ADAM17: variants seen among roughly 807,000 people sequenced by gnomAD.
ADAM17 encodes the protein disintegrin and metalloproteinase domain-containing protein 17.
A neutral mutation model predicts 96.7 loss-of-function variants in ADAM17; 39 were observed. That is an observed-to-expected ratio of 0.40 (90% CI 0.31 to 0.53). The LOEUF is 0.53. Ranked by LOEUF, ADAM17 falls within the 20% of genes least tolerant of loss-of-function variation. ADAM17 has a pLI of 0.44. For synonymous variants in ADAM17, 344 were observed against 359.2 expected, an observed-to-expected ratio of 0.96 and a Z score of 0.48; for missense variants, 777 against 1,013.2, an observed-to-expected ratio of 0.77 and a Z score of 3.17.
Position 9,490,405 on chromosome 2 carries a change from T to G in ADAM17, c.2247A>C (p.Pro749=). 1 of 1,614,154 alleles carries G rather than the reference T, an allele frequency of 6.2e-7. No homozygotes were observed. The highest frequency in any genetic ancestry group is 1.1e-5 in the South Asian group (1 of 91,084). Residue 749 remains proline, a synonymous_variant, in exon 19 of 19, where the codon CCA becomes CCC. Transcript: ENST00000310823. The part of the protein sequence containing the change: ...LQPAPVIPSA[P]AAPKLDHQRM... ...TCTGGTGGTCCAGTTTTGGAGCTGC[T>G]GGCGCCGAAGGGATCACAGGGGCAG...
chr2:9,549,692 ATT>A (rs1558528080), intron 1 of ADAM17, among the ~76,000 whole-genome samples: 1 of 150,794 alleles, frequency 6.6e-6, no homozygotes, highest in South Asian at 2.1e-4. Context: ...TTTTGTTTCT[ATT>A]TTTTTGTAGA....
chr2:9,526,220 C>T lies in ADAM17; in HGVS notation c.644G>A (p.Arg215Lys). Reference protein sequence around the residue: ...PEELVHRVKRRADPDPMKNTC... With the variant: ...PEELVHRVKRKADPDPMKNTC... ...GTTCTTCATGGGATCTGGGTCAGCT[C>T]TTCTTTTCACTCGATGAACAAGCTC... Residue 215 changes from arginine to lysine, a missense_variant, in exon 6 of 19, where the codon AGA becomes AAA. By Grantham distance (26) the Arg-to-Lys change is conservative. This residue lies in a region of ADAM17 where 446 missense variants were observed against 664.7 expected (regional missense o/e 0.67). Coordinates refer to ENST00000310823, the MANE Select transcript of ADAM17 (RefSeq NM_003183.6). The T allele has an allele frequency of 6.2e-7, 1 of 1,613,770 alleles. No homozygotes were observed. The highest frequency in any genetic ancestry group is 8.5e-7 in the Non-Finnish European group (1 of 1,179,886).
Position 9,543,222 on chromosome 2 carries a change from G to C in ADAM17, c.161C>G (p.Ser54Trp). 6.2e-7 allele frequency: 1 copy of C among 1,608,768 alleles called. No homozygotes were observed. The highest frequency in any genetic ancestry group is 8.5e-7 in the Non-Finnish European group (1 of 1,177,402). The change falls in exon 2 of 19, where the codon TCG (serine) becomes TGG (tryptophan). Residue 54 changes from serine to tryptophan, a missense_variant. Transcript: ENST00000310823. ...AGTCTGTAGATCTCTTTTTCTTACC[G>C]AATGCTGCTGGATATTAGATAAAGA... ...ILSLSNIQQHSVRKRDLQTST... is the reference protein window; with the variant it reads ...ILSLSNIQQHWVRKRDLQTST...
Position 9,526,167 on chromosome 2 carries a change from G to A in ADAM17, c.697C>T (p.His233Tyr), listed in dbSNP as rs754362767. The A allele has an allele frequency of 1.2e-6, 2 of 1,613,396 alleles. No individual in the cohort carries two copies. Among genetic ancestry groups the A allele is most frequent in the Admixed American group, 3.3e-5 (2 of 59,978 alleles). ...CTGCCCATGTATCTGTAGAAGCGAT[G>A]ATCTGCTACCACCAATAATTTACAC... ...NTCKLLVVADHRFYRYMGRGE... is the reference protein window; with the variant it reads ...NTCKLLVVADYRFYRYMGRGE... The change falls in exon 6 of 19, where the codon CAT becomes TAT. Residue 233 changes from histidine to tyrosine, a missense_variant. His to Tyr is a moderately conservative substitution (Grantham distance 83). Transcript: ENST00000310823.
intron 11 of ADAM17, among the ~76,000 whole-genome samples, chr2:9,507,874 A>G (rs1314290312): frequency 1.3e-5 from 2 of 152,038 alleles, no homozygotes; most frequent in East Asian, 1.9e-4. Flanking sequence ...TTCTATGCCC[A>G]GCTAATTTTT....
intron 1 of ADAM17, among the ~76,000 whole-genome samples, chr2:9,544,797 G>T (rs1400604691): frequency 6.6e-6 from 1 of 151,478 alleles, no homozygotes; most frequent in African/African-American, 2.4e-5. Context: ...CTGCACTCCA[G>T]CCTGGCGACA....
intron 1 of ADAM17, among the ~76,000 whole-genome samples, chr2:9,555,295 C>T (rs1225071837): frequency 6.6e-6 from 1 of 152,180 alleles, no homozygotes; most frequent in Non-Finnish European, 1.5e-5. Context: ...ACATGGAGCC[C>T]GTCCAGTAGC....
In ADAM17 at chr2:9,497,268, A is replaced by ATAAC; in HGVS notation, c.1649-24_1649-21dup. 6.2e-7 allele frequency: 1 copy of ATAAC among 1,613,554 alleles called. No individual in the cohort carries two copies. The highest frequency in any genetic ancestry group is 8.5e-7 in the Non-Finnish European group (1 of 1,179,656). On this transcript the variant is annotated intron_variant, in intron 13 of 18. Coordinates refer to ENST00000310823, the MANE Select transcript of ADAM17 (RefSeq NM_003183.6). Reference sequence around the variant, plus strand: ...TATTACCTGGAAGCAAACACCAGTCATAACAAAAAGAATGAGTCACAGGTC... The same window carrying ATAAC: ...TATTACCTGGAAGCAAACACCAGTCATAACTAACAAAAAGAATGAGTCACAGGTC...
Position 9,505,178 on chromosome 2 carries a change from C to T in ADAM17, c.1532G>A (p.Gly511Asp). ...CCNSDCTLKEGVQCSDRNSPC... is the reference protein window; with the variant it reads ...CCNSDCTLKEDVQCSDRNSPC... ...AGAGACTCCTCACCTGCACTGGACA[C>T]CTTCCTTCAACGTGCAGTCGCTGTT... Residue 511 changes from glycine to aspartate, a missense_variant, in exon 12 of 19, where the codon GGT (glycine) becomes GAT (aspartate). Physicochemically the swap from Gly to Asp is moderately conservative, Grantham distance 94. Around this residue, in one of 3 missense-constraint regions of ADAM17, gnomAD observed 446 missense variants for 664.7 expected, o/e 0.67. Transcript: ENST00000310823. 1 of 1,614,228 alleles carries T rather than the reference C, an allele frequency of 6.2e-7. No individual in the cohort carries two copies. The highest frequency in any genetic ancestry group is 1.7e-5 in the Admixed American group (1 of 60,024).
intron 10 of ADAM17, among the ~76,000 whole-genome samples, chr2:9,510,765 G>A (rs1377295827): frequency 6.6e-6 from 1 of 152,094 alleles, no homozygotes; most frequent in African/African-American, 2.4e-5. Context: ...CCAGGAGGCT[G>A]AGGCTACAGT....
intron 4 of ADAM17, among the ~76,000 whole-genome samples, chr2:9,533,783 C>T (rs1210328125): frequency 6.6e-6 from 1 of 152,138 alleles, no homozygotes; most frequent in African/African-American, 2.4e-5. Flanking sequence ...TGTTTTCTTT[C>T]TGTGAGAACT....
At chr2:9,549,619 C>G (rs1197480667) in intron 1 of ADAM17, among the ~76,000 whole-genome samples, 6 of 152,090 alleles carry the variant, frequency 3.9e-5, no homozygotes, top group Admixed American at 3.9e-4. Context: ...CCTCAACCTC[C>G]TGGGCATGAG....
At chr2:9,551,465 A>G (rs1665588593) in intron 1 of ADAM17, among the ~76,000 whole-genome samples, 1 of 152,162 alleles carries the variant, frequency 6.6e-6, no homozygotes, top group Non-Finnish European at 1.5e-5. Flanking sequence ...TGTTTCATTT[A>G]TTCACTTACT....
chr2:9,508,737 C>A (rs1663562085), intron 11 of ADAM17, among the ~76,000 whole-genome samples: 2 of 152,116 alleles, frequency 1.3e-5, no homozygotes, highest in African/African-American at 4.8e-5. Context: ...ACATCCCCCG[C>A]CCCGCAGCAG....
chr2:9,505,494 G>A, intron 11 of ADAM17, 129 bp from the exon 12 acceptor site: 2 of 923,628 alleles, frequency 2.2e-6, no homozygotes, highest in South Asian at 3.1e-5. Context: ...TGGAGTTATG[G>A]CAAGGCCACC....
At chr2:9,554,112 T>C (rs750254062) in intron 1 of ADAM17, among the ~76,000 whole-genome samples, 2 of 152,138 alleles carry the variant, frequency 1.3e-5, no homozygotes, top group Admixed American at 6.6e-5. Context: ...ATGTTATGAA[T>C]TGATCTAGAA....
At chr2:9,491,179 C>T (rs752991112) in intron 17 of ADAM17, 28 bp from the exon 18 acceptor site, 8 of 1,599,474 alleles carry the variant, frequency 5.0e-6, no homozygotes, top group Non-Finnish European at 6.9e-6. Context: ...GAAGGTCATT[C>T]CCTACAAATA....
rs546596562 is a variant in ADAM17 at position 9,518,577 on chromosome 2, A to G, written c.958-330T>C. Among the ~76,000 whole-genome samples the G allele has an allele frequency of 3.9e-5, 6 of 152,294 alleles. No homozygotes were observed. In the South Asian group the frequency reaches 1.2e-3, roughly 32 times the overall value. ...ACAGCCCAGGACTAGAGATGCTCCA[A>G]TTCGATAAGGGGATTGCAGCACTCC... On this transcript the variant is annotated intron_variant, in intron 8 of 18. Coordinates refer to ENST00000310823, the MANE Select transcript of ADAM17 (RefSeq NM_003183.6).
intron 2 of ADAM17, 70 bp from the exon 3 acceptor site, chr2:9,536,898 C>T: frequency 1.3e-6 from 2 of 1,533,976 alleles, no homozygotes; most frequent in Non-Finnish European, 1.8e-6. Context: ...CATAATTAAA[C>T]TTTCTTAAAA....
Sources: allele counts gnomAD v4.1 joint callset (sites outside exome capture counted in the v4.1 genomes callset), GRCh38; gene constraint gnomAD v4.1.1; regional missense constraint gnomAD v4.1.1; transcripts MANE v1.5; gene names NCBI Gene and HGNC (gene_info 2026-07-23, HGNC 2026-07-21).